The following MARCHF1 variants were observed in gnomAD, a reference collection of about 807,000 sequenced individuals.
MARCHF1 encodes the protein E3 ubiquitin-protein ligase MARCHF1.
A neutral mutation model predicts 54.2 loss-of-function variants in MARCHF1; 40 were observed. That is an observed-to-expected ratio of 0.74 (90% confidence interval 0.57 to 0.96). The LOEUF (loss-of-function observed/expected upper bound fraction) is 0.96. Ranked by LOEUF, MARCHF1 falls within the 40% of genes least tolerant of loss-of-function variation. The probability of loss-of-function intolerance (pLI) is 0.00; values close to 1 mark genes in which losing one functional copy is unlikely to be tolerated. For synonymous variants in MARCHF1, 236 were observed against 236.3 expected (o/e 1.00, Z 0.01); for missense variants, 586 against 656.5 (o/e 0.89, Z 1.17).
intron 1 of MARCHF1, among the ~76,000 whole-genome samples, chr4:164,208,335 T>C (rs6814096): frequency 6.6e-6 from 1 of 152,212 alleles, no homozygotes; most frequent in African/African-American, 2.4e-5. Flanking sequence ...ACACAAGGGC[T>C]GGATTCTTTC....
At chr4:164,020,286 G>GT (rs1297308295) in intron 2 of MARCHF1, among the ~76,000 whole-genome samples, 1 of 152,158 alleles carries the variant, frequency 6.6e-6, no homozygotes, top group African/African-American at 2.4e-5. Context: ...AAATGATCTA[G>GT]TGATGTTATA....
chr4:164,041,094 C>T (rs1474691547), intron 2 of MARCHF1, among the ~76,000 whole-genome samples: 1 of 152,082 alleles, frequency 6.6e-6, no homozygotes, highest in Non-Finnish European at 1.5e-5. Context: ...AAAACTGTTA[C>T]CACATATTGT....
intron 4 of MARCHF1, among the ~76,000 whole-genome samples, chr4:163,707,326 T>C (rs1407766730): frequency 6.6e-6 from 1 of 152,074 alleles, no homozygotes; most frequent in Non-Finnish European, 1.5e-5. Context: ...GTTTAATTTC[T>C]AGAATATGCA....
intron 2 of MARCHF1, among the ~76,000 whole-genome samples, chr4:164,007,801 G>A (rs563960378): frequency 6.6e-5 from 10 of 151,476 alleles, no homozygotes; most frequent in East Asian, 3.9e-4. Context: ...TGGTAAGCAC[G>A]GCACAAAAAC....
intron 3 of MARCHF1, among the ~76,000 whole-genome samples, chr4:163,871,428 C>A (rs994330315): frequency 9.9e-5 from 15 of 152,134 alleles, no homozygotes; most frequent in African/African-American, 3.6e-4. Flanking sequence ...CTAATACCAT[C>A]TTTACCAATA....
intron 5 of MARCHF1, among the ~76,000 whole-genome samples, chr4:163,620,567 C>CCACACACACACACA (rs138692310): frequency 1.7e-5 from 2 of 120,076 alleles, no homozygotes; most frequent in African/African-American, 3.2e-5. Context: ...ATGAGGTACA[C>CCACACACACACACA]CACACACACA....
chr4:164,023,544 C>T (rs1479627243), intron 2 of MARCHF1, among the ~76,000 whole-genome samples: 1 of 152,158 alleles, frequency 6.6e-6, no homozygotes, highest in Non-Finnish European at 1.5e-5. Context: ...AAATCCTAGA[C>T]AGAGGGCTGG....
rs1225180088 is a variant in MARCHF1 at position 163,527,018 on chromosome 4, G to GCATC, written c.*1726_*1729dup. Reference sequence around the variant, plus strand: ...ACAAGCACACTGATAATTACAAAGTGCATCCATGTGATACCCAGATTTGTG... The same window carrying GCATC: ...ACAAGCACACTGATAATTACAAAGTGCATCCATCCATGTGATACCCAGATTTGTG... On this transcript the variant is annotated 3_prime_UTR_variant, in exon 10 of 10. Transcript: ENST00000514618. 1 of 151,476 alleles carries GCATC rather than the reference G, an allele frequency of 6.6e-6. No individual in the cohort carries two copies. The highest frequency in any genetic ancestry group is 1.5e-5 in the Non-Finnish European group (1 of 67,830). The allele number at this position is 151,476 out of a possible 1,614,324, so 9.4% of individuals were successfully genotyped here. A position where few individuals can be genotyped will look rare whatever the true frequency, so the allele number is the denominator to read the frequency against.
intron 4 of MARCHF1, among the ~76,000 whole-genome samples, chr4:163,844,800 A>G (rs1749439051): frequency 6.6e-6 from 1 of 152,210 alleles, no homozygotes; most frequent in African/African-American, 2.4e-5. Flanking sequence ...TAAACAATTC[A>G]TTAATTAGAC....
chr4:163,916,376 C>G (rs570147307), intron 3 of MARCHF1, among the ~76,000 whole-genome samples: 1 of 112,188 alleles, frequency 8.9e-6, no homozygotes, highest in East Asian at 3.4e-4. Flanking sequence ...TTCTCCCACT[C>G]TAGTACAGTA....
intron 2 of MARCHF1, among the ~76,000 whole-genome samples, chr4:164,069,562 G>A (rs1372770514): frequency 6.6e-6 from 1 of 152,108 alleles, no homozygotes; most frequent in Non-Finnish European, 1.5e-5. Context: ...TCATCGAGAA[G>A]GTCTGCAGCT....
At chr4:163,923,775 A>G (rs1325874660) in intron 3 of MARCHF1, among the ~76,000 whole-genome samples, 2 of 151,718 alleles carry the variant, frequency 1.3e-5, no homozygotes, top group Admixed American at 6.6e-5. Context: ...GTAAAAAAAA[A>G]AAAAAATAGA....
intron 1 of MARCHF1, among the ~76,000 whole-genome samples, chr4:164,159,550 AG>A (rs1022365954): frequency 6.6e-6 from 1 of 152,152 alleles, no homozygotes; most frequent in Non-Finnish European, 1.5e-5. Flanking sequence ...GGTTTTTTTA[AG>A]TGTTGGAAAT....
chr4:163,801,609 A>G (rs1748082975), intron 4 of MARCHF1, among the ~76,000 whole-genome samples: 2 of 152,084 alleles, frequency 1.3e-5, no homozygotes, highest in South Asian at 4.1e-4. Context: ...ACATTCCTAT[A>G]TACCATCTGT....
chr4:164,024,348 G>C (rs1753725624), intron 2 of MARCHF1, among the ~76,000 whole-genome samples: 1 of 152,084 alleles, frequency 6.6e-6, no homozygotes, highest in Admixed American at 6.5e-5. Flanking sequence ...GATGAGTCAA[G>C]TTATATACCA....
At chr4:163,544,948 T>C (rs1738847360) in intron 9 of MARCHF1, among the ~76,000 whole-genome samples, 1 of 152,178 alleles carries the variant, frequency 6.6e-6, no homozygotes, top group Non-Finnish European at 1.5e-5. Flanking sequence ...CAGAACTGGG[T>C]CCTTTCACAC....
chr4:163,673,687 A>C (rs550040696), intron 5 of MARCHF1, among the ~76,000 whole-genome samples: 9 of 152,324 alleles, frequency 5.9e-5, no homozygotes, highest in Admixed American at 5.9e-4. Flanking sequence ...ATAGGAGGCA[A>C]GAGTTTTCTT....
At chr4:164,312,109 T>C (rs770174274) in intron 1 of MARCHF1, among the ~76,000 whole-genome samples, 1 of 152,100 alleles carries the variant, frequency 6.6e-6, no homozygotes, top group East Asian at 1.9e-4. Context: ...TACCGCAGAC[T>C]CAGATGAATC....
intron 1 of MARCHF1, among the ~76,000 whole-genome samples, chr4:164,369,577 C>A (rs539162076): frequency 2.0e-5 from 3 of 151,198 alleles, no homozygotes; most frequent in African/African-American, 4.9e-5. Flanking sequence ...AACCCTTCTT[C>A]GAAAAAAAAG....
Sources: gnomAD v4.1 joint callset for allele counts (sites outside exome capture counted in the v4.1 genomes callset) on GRCh38, gnomAD v4.1.1 for gene constraint, MANE v1.5 for transcripts, NCBI Gene and HGNC (gene_info 2026-07-23, HGNC 2026-07-21) for gene names.